MCTP1: variants seen among roughly 807,000 people sequenced by gnomAD.
MCTP1 encodes multiple C2 and transmembrane domain-containing protein 1.
Under a neutral mutation model 120.6 loss-of-function variants are expected in MCTP1, and 69 were observed. The observed-to-expected ratio is 0.57, with a 90% CI of 0.47 to 0.70. The LOEUF (loss-of-function observed/expected upper bound fraction) is 0.70. Among genes scored for constraint, MCTP1 ranks in the 30% least tolerant of loss-of-function variants. The pLI is 0.00. For missense variants in MCTP1, 1,203 were observed against 1,248.8 expected (o/e 0.96, Z 0.55); for synonymous variants, 529 against 493.1 (o/e 1.07, Z -0.96).
At chr5:95,037,909 C>T (rs1252353993) in intron 1 of MCTP1, among the ~76,000 whole-genome samples, 6 of 152,124 alleles carry the variant, frequency 3.9e-5, no homozygotes, top group Non-Finnish European at 5.9e-5. Flanking sequence ...ACCACCACCA[C>T]CTACTTATTC....
At chr5:94,933,679 TCCATTA>T (rs759829569) in intron 5 of MCTP1, among the ~76,000 whole-genome samples, 1 of 151,816 alleles carries the variant, frequency 6.6e-6, no homozygotes, top group Non-Finnish European at 1.5e-5. Flanking sequence ...AATATAAAAT[TCCATTA>T]TATAAGAAAT....
chr5:95,097,708 C>T lies in MCTP1; in HGVS notation c.721-80224G>A, dbSNP rs150359292. ...GAGCCCACCTGTCAAGAGCTTGTTC[C>T]GGGAATCCAGGTAGCCTGGATGAAG... On this transcript the variant is annotated intron_variant, in intron 1 of 22. Coordinates refer to ENST00000515393, the MANE Select transcript of MCTP1 (RefSeq NM_024717.7). Among the ~76,000 whole-genome samples the T allele has an allele frequency of 3.2e-3, 492 of 152,208 alleles. 2 individuals carry two copies. Among genetic ancestry groups the T allele is most frequent in the Middle Eastern group, 0.014 (4 of 294 alleles).
chr5:94,809,566 A>G (rs1783023566), intron 17 of MCTP1, among the ~76,000 whole-genome samples: 1 of 152,162 alleles, frequency 6.6e-6, no homozygotes, highest in South Asian at 2.1e-4. Flanking sequence ...TGTAATGCCT[A>G]CCACGGTATC....
At chr5:94,836,648 T>C (rs539286386) in intron 17 of MCTP1, among the ~76,000 whole-genome samples, 2 of 152,332 alleles carry the variant, frequency 1.3e-5, no homozygotes, top group African/African-American at 4.8e-5. Context: ...GTCTTGGGAA[T>C]AGATTTAAAA....
In MCTP1 at chr5:94,946,255, C is replaced by T. The variant is rs147026211; in HGVS notation, c.982-3828G>A. ...ACATCCAGAGTGGCATGCTTCTTTA[C>T]TCAAGTCTAGTGGGGAAGCGTGAGC... On this transcript the variant is annotated intron_variant, in intron 3 of 22. Transcript: ENST00000515393. Among the ~76,000 whole-genome samples the T allele has an allele frequency of 5.7e-4, 87 of 152,268 alleles. 2 individuals carry two copies. The highest frequency in any genetic ancestry group is 2.0e-3 in the African/African-American group (84 of 41,568).
intron 17 of MCTP1, among the ~76,000 whole-genome samples, chr5:94,863,789 C>A (rs554011373): frequency 2.3e-4 from 35 of 150,614 alleles, no homozygotes; most frequent in African/African-American, 8.3e-4. Context: ...GCCTCTGCAA[C>A]TCCAGTTCCT....
At chr5:94,795,189 C>T (rs1174798515) in intron 18 of MCTP1, among the ~76,000 whole-genome samples, 7 of 136,502 alleles carry the variant, frequency 5.1e-5, no homozygotes, top group African/African-American at 1.9e-4. Flanking sequence ...AGGAAGAGCT[C>T]TTGCAGCCAT....
At chr5:94,787,386 C>A (rs1269290022) in intron 18 of MCTP1, among the ~76,000 whole-genome samples, 8 of 152,084 alleles carry the variant, frequency 5.3e-5, no homozygotes, top group Non-Finnish European at 1.0e-4. Flanking sequence ...GTATACATTG[C>A]AAGGGGACTA....
rs575486118 is a variant in MCTP1 at position 94,735,526 on chromosome 5, C to G, written c.2611-20640G>C. Among the ~76,000 whole-genome samples, 11 of 152,228 alleles carry G rather than the reference C, an allele frequency of 7.2e-5. No individual in the cohort carries two copies. The East Asian group carries it at 1.9e-3, about 27-fold the overall frequency. ...TTCCAGGCTCAAGAGATCTCCTTAT[C>G]TCAGCCTCCTAAAGCGCTGGGATTA... is the stretch of plus-strand genomic sequence containing the variant. On this transcript the variant is annotated intron_variant, in intron 19 of 22. Transcript: ENST00000515393.
chr5:94,975,389 C>G (rs751462858), intron 2 of MCTP1, among the ~76,000 whole-genome samples: 5 of 151,834 alleles, frequency 3.3e-5, no homozygotes, highest in African/African-American at 1.2e-4. Context: ...AGAAGAGACA[C>G]GGGAGCTCTC....
chr5:95,014,259 A>AC (rs1836635141), intron 2 of MCTP1, among the ~76,000 whole-genome samples: 1 of 55,934 alleles, frequency 1.8e-5, no homozygotes, highest in African/African-American at 3.5e-5. Flanking sequence ...CCATGTCTCT[A>AC]AAACAACAAC....
intron 1 of MCTP1, among the ~76,000 whole-genome samples, chr5:95,187,198 CG>C (rs1263026635): frequency 2.0e-5 from 3 of 152,080 alleles, no homozygotes; most frequent in African/African-American, 7.2e-5. Context: ...TTGGAAGCAA[CG>C]TAAGTGTCCA....
At chr5:95,089,579 T>A (rs1299398582) in intron 1 of MCTP1, among the ~76,000 whole-genome samples, 1 of 152,210 alleles carries the variant, frequency 6.6e-6, no homozygotes, top group African/African-American at 2.4e-5. Context: ...ATTTAAATAG[T>A]GAGGAAAGGC....
intron 1 of MCTP1, among the ~76,000 whole-genome samples, chr5:95,256,739 A>T (rs893783647): frequency 1.3e-5 from 2 of 152,208 alleles, no homozygotes; most frequent in Non-Finnish European, 2.9e-5. Context: ...AAAGAGAGAG[A>T]GGAAAGAGAC....
intron 19 of MCTP1, among the ~76,000 whole-genome samples, chr5:94,771,487 T>TA (rs1407450824): frequency 1.3e-5 from 2 of 152,242 alleles, no homozygotes; most frequent in East Asian, 3.8e-4. Flanking sequence ...ATTAATAATA[T>TA]AGACTTCTAA....
At position 94,983,397 on chromosome 5, in the gene MCTP1, G is replaced by A. The variant is rs189009012; in HGVS notation, c.839-30036C>T. 1.5e-3 allele frequency among the ~76,000 whole-genome samples: 225 copies of A among 152,284 alleles called. 1 individual carries two copies. The highest frequency in any genetic ancestry group is 5.1e-3 in the African/African-American group (213 of 41,562). On this transcript the variant is annotated intron_variant, in intron 2 of 22. Transcript: ENST00000515393. ...AGACTATATTTATGGTGTAGTTAGAGGAATAAAAAAGTAGCTGAAAGTCTT... is the reference window on the plus strand; with the variant it reads ...AGACTATATTTATGGTGTAGTTAGAAGAATAAAAAAGTAGCTGAAAGTCTT...
At chr5:94,765,343 C>G (rs932802583) in intron 19 of MCTP1, among the ~76,000 whole-genome samples, 4 of 151,948 alleles carry the variant, frequency 2.6e-5, no homozygotes, top group Admixed American at 2.6e-4. Flanking sequence ...GGAACTAGAA[C>G]GGCAAGAACA....
intron 10 of MCTP1, among the ~76,000 whole-genome samples, chr5:94,896,809 C>G (rs973079598): frequency 9.2e-5 from 14 of 152,100 alleles, no homozygotes; most frequent in African/African-American, 3.4e-4. Flanking sequence ...CTACCTTGCT[C>G]TAGTAGGCAG....
chr5:95,162,498 TAC>T (rs1287117457), intron 1 of MCTP1, among the ~76,000 whole-genome samples: 1 of 152,166 alleles, frequency 6.6e-6, no homozygotes. Flanking sequence ...ACAGTGAAGT[TAC>T]CAAACCTGTA....
Sources: allele counts gnomAD v4.1 joint callset (sites outside exome capture counted in the v4.1 genomes callset), GRCh38; gene constraint gnomAD v4.1.1; transcripts MANE v1.5; gene names NCBI Gene and HGNC (gene_info 2026-07-23, HGNC 2026-07-21).